The following MOBP variants were observed in gnomAD, a reference collection of about 807,000 sequenced individuals.
The protein encoded by MOBP is myelin-associated oligodendrocyte basic protein.
A neutral mutation model predicts 15.0 loss-of-function variants in MOBP; 5 were observed. The ratio of observed to expected loss-of-function variants is 0.33; its 90% CI spans 0.17 to 0.70. MOBP has a LOEUF of 0.70. Ranked by LOEUF, MOBP falls within the 30% of genes least tolerant of loss-of-function variation. MOBP has a pLI of 0.67. For synonymous variants in MOBP, 88 were observed against 99.0 expected (o/e 0.89, Z 0.66); for missense variants, 188 against 257.8 (o/e 0.73, Z 1.85).
chr3:39,484,439 G>A (rs2042671911), intron 2 of MOBP, among the ~76,000 whole-genome samples: 1 of 152,130 alleles, frequency 6.6e-6, no homozygotes, highest in African/African-American at 2.4e-5. Context: ...CATCATCTCT[G>A]TGGCAACGTG....
downstream of MOBP, chr3:39,528,751 A>G (rs1326241456): frequency 1.3e-5 from 2 of 152,266 alleles, no homozygotes; most frequent in Non-Finnish European, 2.9e-5. Flanking sequence ...CCTATTGGAG[A>G]GAATCAGGGC....
intron 2 of MOBP, among the ~76,000 whole-genome samples, chr3:39,496,199 C>CTTTTTTTTTT (rs539988699): frequency 4.8e-5 from 7 of 144,368 alleles, no homozygotes; most frequent in African/African-American, 1.0e-4. Flanking sequence ...TCTTTTTTTT[C>CTTTTTTTTTT]TTTTTTTTTT....
intron 2 of MOBP, among the ~76,000 whole-genome samples, chr3:39,481,533 C>T (rs1409799244): frequency 1.3e-5 from 2 of 152,190 alleles, no homozygotes; most frequent in East Asian, 3.9e-4. Flanking sequence ...ATGCATAGTC[C>T]AATTTATCTC....
chr3:39,481,035 C>T (rs779320921), intron 2 of MOBP, among the ~76,000 whole-genome samples: 1 of 152,224 alleles, frequency 6.6e-6, no homozygotes, highest in Non-Finnish European at 1.5e-5. Context: ...TTTCTACCTT[C>T]TATTTTCTTC....
intron 4 of MOBP, among the ~76,000 whole-genome samples, chr3:39,511,012 C>T (rs1004187032): frequency 4.6e-5 from 7 of 152,130 alleles, no homozygotes; most frequent in African/African-American, 1.4e-4. Flanking sequence ...TCCTCATGGC[C>T]TATTGACTGA....
chr3:39,511,511 A>G (rs900093127), intron 4 of MOBP, among the ~76,000 whole-genome samples: 3 of 152,152 alleles, frequency 2.0e-5, no homozygotes, highest in Non-Finnish European at 2.9e-5. Context: ...TATTTTGTGG[A>G]AGCAGAGTCT....
chr3:39,515,889 C>T (rs1366553187), exon 5 of MOBP: 1 of 152,210 alleles, frequency 6.6e-6, no homozygotes, highest in Non-Finnish European at 1.5e-5. Context: ...ATGCTTGGCT[C>T]TTTTCCCCTC....
In MOBP at chr3:39,502,424, A is replaced by C; in HGVS notation, c.207-111A>C. ...CGGAAGGCACTCCAGGGAGACTGGA[A>C]GGTGGGTGGGGGAGCAGGGCCTTCC... On this transcript the variant is annotated intron_variant, in intron 3 of 3. Coordinates refer to ENST00000684792, the MANE Select transcript of MOBP (RefSeq NM_001393704.1). The surrounding 1 kb of genome is among the most constrained non-coding windows in gnomAD (Gnocchi z 6.3). 3 of 1,523,298 alleles carry C rather than the reference A, an allele frequency of 2.0e-6. No homozygotes were observed. Among genetic ancestry groups the C allele is most frequent in the Non-Finnish European group, 2.6e-6 (3 of 1,139,952 alleles). The allele number at this position is 1,523,298 out of a possible 1,614,324, so 94.4% of individuals were successfully genotyped here.
intron 4 of MOBP, among the ~76,000 whole-genome samples, chr3:39,508,036 T>G (rs1301648233): frequency 6.6e-6 from 1 of 152,212 alleles, no homozygotes; most frequent in East Asian, 1.9e-4. Context: ...TCACCATGTT[T>G]GTTTTTGGGC....
intron 2 of MOBP, among the ~76,000 whole-genome samples, chr3:39,494,509 C>T (rs540249830): frequency 5.2e-4 from 79 of 151,654 alleles, no homozygotes; most frequent in African/African-American, 1.8e-3. Flanking sequence ...TCATAGTTAT[C>T]TTTGCTTGCA....
At chr3:39,515,374 T>C (rs1245840502) in exon 5 of MOBP, 3 of 152,154 alleles carry the variant, frequency 2.0e-5, no homozygotes, top group African/African-American at 7.2e-5. Context: ...GTTTATTGGC[T>C]CCCAAAGTCG....
intron 2 of MOBP, among the ~76,000 whole-genome samples, chr3:39,499,074 T>C (rs2042931500): frequency 6.6e-6 from 1 of 152,144 alleles, no homozygotes. Flanking sequence ...TGGGAAAAGG[T>C]GACCCTAGAA....
intron 2 of MOBP, among the ~76,000 whole-genome samples, chr3:39,488,661 C>T (rs1201970039): frequency 6.6e-6 from 1 of 152,100 alleles, no homozygotes; most frequent in Non-Finnish European, 1.5e-5. Context: ...GTACTCTTAC[C>T]TTTTTCCCCC....
chr3:39,477,834 A>T (rs186418405), intron 1 of MOBP, among the ~76,000 whole-genome samples: 4 of 152,080 alleles, frequency 2.6e-5, no homozygotes, highest in Non-Finnish European at 2.9e-5. Context: ...TTTTTAAGAA[A>T]AAAGTTTAAA....
chr3:39,494,580 A>G (rs1390952279), intron 2 of MOBP, among the ~76,000 whole-genome samples: 7 of 152,108 alleles, frequency 4.6e-5, no homozygotes, highest in Non-Finnish European at 1.0e-4. Flanking sequence ...TTAACCACTA[A>G]AGTAAATAAA....
downstream of MOBP, chr3:39,528,535 G>T (rs1210731045): frequency 6.6e-6 from 1 of 152,200 alleles, no homozygotes; most frequent in East Asian, 1.9e-4. Context: ...TGAATTTCTG[G>T]CATTGTTTAC....
In MOBP at chr3:39,502,775, G is replaced by A. The variant is rs1426922493; in HGVS notation, c.447G>A (p.Lys149=). ...CAGAGGTCCGACCACCGCCAGCCAA[G>A]CAGCGTCCCCCTCAGAAGTCCAAGC... ...PRPEVRPPPA[K]QRPPQKSKQQ... Residue 149 remains lysine (K), a synonymous_variant, in exon 4 of 4, where the codon AAG becomes AAA. Transcript: ENST00000684792. The surrounding 1 kb of genome is among the most constrained non-coding windows in gnomAD (Gnocchi z 6.3). The A allele has an allele frequency of 3.9e-6, 6 of 1,535,628 alleles. No homozygotes were observed. The highest frequency in any genetic ancestry group is 3.6e-5 in the South Asian group (3 of 84,006).
downstream of MOBP, among the ~76,000 whole-genome samples, chr3:39,518,967 G>A (rs2043234336): frequency 6.6e-6 from 1 of 152,138 alleles, no homozygotes; most frequent in African/African-American, 2.4e-5. Flanking sequence ...TGGCTTCTAG[G>A]ACCTCTTATG....
chr3:39,502,431 T>G lies in MOBP; in HGVS notation c.207-104T>G. Reference sequence around the variant, plus strand: ...CACTCCAGGGAGACTGGAAGGTGGGTGGGGGAGCAGGGCCTTCCTACCTGT... The same window carrying G: ...CACTCCAGGGAGACTGGAAGGTGGGGGGGGGAGCAGGGCCTTCCTACCTGT... On this transcript the variant is annotated intron_variant, in intron 3 of 3. Transcript: ENST00000684792. The surrounding 1 kb of genome is among the most constrained non-coding windows in gnomAD (Gnocchi z 6.3). 1 of 1,522,798 alleles carries G rather than the reference T, an allele frequency of 6.6e-7. No homozygotes were observed. The highest frequency in any genetic ancestry group is 8.8e-7 in the Non-Finnish European group (1 of 1,139,970). 94.3% of individuals were successfully genotyped at this position (1,522,798 alleles called of 1,614,324 possible).
Sources: allele counts gnomAD v4.1 joint callset (sites outside exome capture counted in the v4.1 genomes callset), GRCh38; gene constraint gnomAD v4.1.1; non-coding constraint Gnocchi (gnomAD v3.1); transcripts MANE v1.5; gene names NCBI Gene and HGNC (gene_info 2026-07-23, HGNC 2026-07-21).